DENND2A: variants seen among roughly 807,000 people sequenced by gnomAD.
The protein encoded by DENND2A is DENN domain containing 2A.
Under a neutral mutation model 105.3 loss-of-function variants are expected in DENND2A, and 53 were observed. That is an observed-to-expected ratio of 0.50 (90% CI 0.40 to 0.63). DENND2A has a LOEUF of 0.63. DENND2A is among the 30% of genes least tolerant of loss of function. The pLI, the probability that DENND2A is intolerant of heterozygous loss-of-function variation, is 0.00. For synonymous variants in DENND2A, 522 were observed against 508.4 expected (o/e 1.03, Z -0.36); for missense variants, 1,138 against 1,279.6 (o/e 0.89, Z 1.69).
intron 1 of DENND2A, among the ~76,000 whole-genome samples, chr7:140,606,524 C>T (rs1799692367): frequency 6.6e-6 from 1 of 152,104 alleles, no homozygotes; most frequent in Non-Finnish European, 1.5e-5. Context: ...AGACATAAAC[C>T]ACACACCAAA....
chr7:140,542,565 CTTTTTTTT>C (rs771623397), intron 14 of DENND2A, among the ~76,000 whole-genome samples: 1 of 112,006 alleles, frequency 8.9e-6, no homozygotes, highest in African/African-American at 3.6e-5. Context: ...TTTTCTCTCT[CTTTTTTTT>C]TTTTTTTTTT....
At chr7:140,540,322 C>A (rs1158581762) in intron 14 of DENND2A, among the ~76,000 whole-genome samples, 1 of 152,276 alleles carries the variant, frequency 6.6e-6, no homozygotes, top group Non-Finnish European at 1.5e-5. Flanking sequence ...GTGGGGAGAC[C>A]TGCTTGTGGC....
At chr7:140,536,077 G>C (rs917096572) in intron 14 of DENND2A, among the ~76,000 whole-genome samples, 3 of 152,172 alleles carry the variant, frequency 2.0e-5, no homozygotes, top group African/African-American at 7.2e-5. Flanking sequence ...AGAAGGCCGG[G>C]CATGGTGGTT....
Position 140,602,340 on chromosome 7 carries a change from C to A in DENND2A, c.58G>T (p.Ala20Ser). 6.3e-7 allele frequency: 1 copy of A among 1,597,366 alleles called. No individual in the cohort carries two copies. The part of the protein sequence containing the change: ...ISDPAAEASR[A>S]GKKQLRGVQN... The stretch of plus-strand genomic sequence containing the variant: ...ACACCTCTGAGCTGCTTCTTCCCAG[C>A]CCTGCTGGCTTCTGCAGCTGGGTCA... Residue 20 changes from alanine to serine, a missense_variant, in exon 3 of 20, where the codon GCT becomes TCT. Ala to Ser is a moderately conservative substitution (Grantham distance 99). Coordinates refer to ENST00000496613, the MANE Select transcript of DENND2A (RefSeq NM_015689.5).
At chr7:140,531,346 T>C (rs1393068031) in intron 14 of DENND2A, among the ~76,000 whole-genome samples, 1 of 152,206 alleles carries the variant, frequency 6.6e-6, no homozygotes, top group East Asian at 1.9e-4. Context: ...CAAGTGAGGA[T>C]AGTTGTTTCT....
intron 9 of DENND2A, among the ~76,000 whole-genome samples, chr7:140,560,412 T>C (rs1023436413): frequency 6.6e-6 from 1 of 152,212 alleles, no homozygotes; most frequent in African/African-American, 2.4e-5. Context: ...TGAGTTAATG[T>C]TCAAACTAGG....
intron 14 of DENND2A, among the ~76,000 whole-genome samples, chr7:140,534,080 A>AC (rs1479209845): frequency 1.7e-5 from 1 of 57,516 alleles, no homozygotes. Flanking sequence ...ATGCCTGGTT[A>AC]ATTTTTTTTT....
At chr7:140,577,839 T>C (rs1798369545) in intron 5 of DENND2A, among the ~76,000 whole-genome samples, 1 of 152,204 alleles carries the variant, frequency 6.6e-6, no homozygotes, top group Non-Finnish European at 1.5e-5. Context: ...TGTGTTTCCA[T>C]AGAACTTTAT....
intron 9 of DENND2A, among the ~76,000 whole-genome samples, chr7:140,564,919 T>C (rs1013475510): frequency 6.6e-5 from 10 of 152,068 alleles, no homozygotes; most frequent in African/African-American, 2.4e-4. Context: ...CTCTTACCCA[T>C]GGGCAGCCCC....
chr7:140,585,063 T>C (rs1361680720), intron 5 of DENND2A, among the ~76,000 whole-genome samples: 1 of 152,136 alleles, frequency 6.6e-6, no homozygotes, highest in East Asian at 1.9e-4. Flanking sequence ...GCTGGGCTGG[T>C]GGCGTGTGCC....
chr7:140,633,998 TC>T (rs1800828379), intron 1 of DENND2A, among the ~76,000 whole-genome samples: 1 of 151,534 alleles, frequency 6.6e-6, no homozygotes, highest in Non-Finnish European at 1.5e-5. Context: ...AAAATAGATT[TC>T]TTTTTTTTTT....
At chr7:140,522,471 G>A (rs527548116) in intron 17 of DENND2A, among the ~76,000 whole-genome samples, 11 of 151,880 alleles carry the variant, frequency 7.2e-5, no homozygotes, top group African/African-American at 2.2e-4. Context: ...GCGCCACCAC[G>A]CCCAGCTAAT....
In DENND2A at chr7:140,562,047, G is replaced by A. The variant is rs371693877; in HGVS notation, c.1780-2230C>T. 3.3e-5 allele frequency among the ~76,000 whole-genome samples: 5 copies of A among 151,476 alleles called. No homozygotes were observed. The South Asian group carries it at 6.3e-4, about 19-fold the overall frequency. ...TGGTATTACAGGTGCCTGCCACCAC[G>A]CCTGAATAATTTTTGTATTTTTAAT... is the stretch of plus-strand genomic sequence containing the variant. On this transcript the variant is annotated intron_variant, in intron 9 of 19. Transcript: ENST00000496613.
intron 3 of DENND2A, among the ~76,000 whole-genome samples, chr7:140,594,435 T>C (rs1225658994): frequency 6.6e-6 from 1 of 152,180 alleles, no homozygotes; most frequent in African/African-American, 2.4e-5. Flanking sequence ...TCACTCAAAC[T>C]GAACGTCCAC....
chr7:140,611,433 G>T (rs978794556), intron 1 of DENND2A, among the ~76,000 whole-genome samples: 6 of 152,162 alleles, frequency 3.9e-5, no homozygotes, highest in African/African-American at 1.4e-4. Context: ...CAGCTACGCA[G>T]GAGGCTTAGG....
intron 1 of DENND2A, among the ~76,000 whole-genome samples, chr7:140,633,642 CTCT>C (rs1055390109): frequency 2.0e-5 from 3 of 152,140 alleles, no homozygotes; most frequent in Non-Finnish European, 4.4e-5. Flanking sequence ...GCTAGGTTGG[CTCT>C]TTTGTGTCAC....
In DENND2A at chr7:140,527,640, G is replaced by A; in HGVS notation, c.2328-145C>T. The A allele has an allele frequency of 1.2e-6, 1 of 861,210 alleles. No homozygotes were observed. The highest frequency in any genetic ancestry group is 1.7e-6 in the Non-Finnish European group (1 of 576,308). The allele number at this position is 861,210 out of a possible 1,614,324, so 53.3% of individuals were successfully genotyped here. A position where few individuals can be genotyped will look rare whatever the true frequency, so the allele number is the denominator to read the frequency against. ...TCCGGTGGAGCACATGATGGTCTCA[G>A]CACAGGCCACACCAGGCACTTAGAG... On this transcript the variant is annotated intron_variant, in intron 14 of 19. Transcript: ENST00000496613. This position sits in a 1 kb window ranked among gnomAD's most constrained non-coding sequence, Gnocchi z 4.9.
chr7:140,585,446 G>A, intron 5 of DENND2A, 143 bp downstream of exon 5: 3 of 1,131,960 alleles, frequency 2.7e-6, no homozygotes, highest in Non-Finnish European at 3.8e-6. Context: ...AGGAAGACCA[G>A]TCAGCCAGCG....
intron 1 of DENND2A, among the ~76,000 whole-genome samples, chr7:140,639,172 T>C (rs986500009): frequency 1.1e-4 from 17 of 151,864 alleles, no homozygotes; most frequent in African/African-American, 4.1e-4. Context: ...GCCAACATGG[T>C]GAAACCCCGT....
Sources: gnomAD v4.1 joint callset for allele counts (sites outside exome capture counted in the v4.1 genomes callset) on GRCh38, gnomAD v4.1.1 for gene constraint, Gnocchi (gnomAD v3.1) non-coding constraint, MANE v1.5 for transcripts, NCBI Gene and HGNC (gene_info 2026-07-23, HGNC 2026-07-21) for gene names.